TTC34: variants seen among roughly 807,000 people sequenced by gnomAD.
The protein encoded by TTC34 is tetratricopeptide repeat protein 34.
TTC34 carries 44 observed loss-of-function variants against 40.7 expected under a neutral mutation model. That is an observed-to-expected ratio of 1.08 (90% CI 0.85 to 1.39). The LOEUF (loss-of-function observed/expected upper bound fraction) is 1.39. TTC34 is among the 40% of genes most tolerant of loss of function. The pLI, the probability that TTC34 is intolerant of heterozygous loss-of-function variation, is 0.00. For synonymous variants in TTC34, 422 were observed against 398.6 expected (o/e 1.06, Z -0.70); for missense variants, 884 against 838.0 (o/e 1.05, Z -0.68).
intron 6 of TTC34, among the ~76,000 whole-genome samples, chr1:2,651,160 G>A (rs906142957): frequency 2.0e-5 from 3 of 151,988 alleles, no homozygotes; most frequent in Admixed American, 1.3e-4. Context: ...AGCACCAGGT[G>A]AGCACTTCAC....
At chr1:2,749,852 TGAACATCCGAC>T (rs1641259538) in intron 6 of TTC34, among the ~76,000 whole-genome samples, 6 of 61,444 alleles carry the variant, frequency 9.8e-5, no homozygotes, top group Admixed American at 4.1e-4. Context: ...CACCCCCAGG[TGAACATCCGAC>T]AGCCTGGAGC....
intron 6 of TTC34, among the ~76,000 whole-genome samples, chr1:2,650,013 C>G (rs907115735): frequency 6.9e-6 from 1 of 145,528 alleles, no homozygotes; most frequent in African/African-American, 2.5e-5. Context: ...CTCTGCATCC[C>G]CAGGTGAGCA....
chr1:2,649,646 T>G (rs1200217208), intron 6 of TTC34, among the ~76,000 whole-genome samples: 1 of 152,124 alleles, frequency 6.6e-6, no homozygotes, highest in African/African-American at 2.4e-5. Context: ...TTTAATCGAT[T>G]CTCCTGCCTC....
intron 6 of TTC34, among the ~76,000 whole-genome samples, chr1:2,691,552 A>G (rs1278897646): frequency 5.2e-5 from 7 of 133,456 alleles, no homozygotes; most frequent in Admixed American, 1.6e-4. Context: ...CCCCCAGGTG[A>G]GCATCTGACA....
chr1:2,748,169 A>T (rs1225089279), intron 6 of TTC34, among the ~76,000 whole-genome samples: 1 of 60,324 alleles, frequency 1.7e-5, no homozygotes, highest in Non-Finnish European at 2.9e-5. Context: ...CCCCCAGGCG[A>T]GCATCTGAAC....
Position 2,645,416 on chromosome 1 carries a change from T to A in TTC34, c.2374A>T (p.Thr792Ser). The change falls in exon 7 of 9, where the codon ACT becomes TCT. Residue 792 changes from threonine (T) to serine (S), a missense_variant. Physicochemically the swap from Thr to Ser is moderately conservative, Grantham distance 58. Coordinates refer to ENST00000401095, the Ensembl canonical transcript of TTC34. The surrounding 1 kb of genome is among the most constrained non-coding windows in gnomAD (Gnocchi z 4.7). The stretch of plus-strand genomic sequence containing the variant: ...TCCTTGTCCTCGAGAGGGGCCCCAG[T>A]GTCTGGCAGCTGGCTCAGAAGGGCC... 6.5e-7 allele frequency: 1 copy of A among 1,535,786 alleles called. No homozygotes were observed. Among genetic ancestry groups the A allele is most frequent in the Non-Finnish European group, 8.7e-7 (1 of 1,146,744 alleles).
chr1:2,642,734 C>T (rs1254940812), intron 8 of TTC34, among the ~76,000 whole-genome samples: 3 of 152,346 alleles, frequency 2.0e-5, no homozygotes, highest in African/African-American at 7.2e-5. Flanking sequence ...CGGCGGTCCT[C>T]GACGCTACCT....
chr1:2,801,267 A>C (rs577535424), intron 1 of TTC34, among the ~76,000 whole-genome samples: 1 of 147,972 alleles, frequency 6.8e-6, no homozygotes, highest in African/African-American at 2.5e-5. Context: ...AGGAAGGCAC[A>C]CCCCCCGTCA....
chr1:2,698,953 T>G (rs1376571360), intron 6 of TTC34, among the ~76,000 whole-genome samples: 1 of 128,660 alleles, frequency 7.8e-6, no homozygotes. Flanking sequence ...TCTGACAGCC[T>G]GGAACATCAC....
At chr1:2,693,514 C>T (rs61765747) in intron 6 of TTC34, among the ~76,000 whole-genome samples, 37 of 54,770 alleles carry the variant, frequency 6.8e-4, no homozygotes, top group South Asian at 1.4e-3. Flanking sequence ...CACCCCCAGG[C>T]GAGCATCTGA....
chr1:2,785,729 G>T, intron 5 of TTC34, 90 bp downstream of exon 5: 1 of 1,378,340 alleles, frequency 7.3e-7, no homozygotes, highest in Non-Finnish European at 9.7e-7. Flanking sequence ...GGGAGCATGC[G>T]TGTCCCCACC....
At chr1:2,653,291 C>T (rs1368937587) in intron 6 of TTC34, among the ~76,000 whole-genome samples, 4 of 132,610 alleles carry the variant, frequency 3.0e-5, no homozygotes, top group African/African-American at 8.0e-5. Context: ...CCTGCACCCC[C>T]AGGTGAGCAT....
At chr1:2,786,719 T>C (rs1643595058) in intron 4 of TTC34, among the ~76,000 whole-genome samples, 1 of 152,116 alleles carries the variant, frequency 6.6e-6, no homozygotes, top group African/African-American at 2.4e-5. Context: ...CACGGCCAAG[T>C]AGGACCAGGT....
intron 6 of TTC34, among the ~76,000 whole-genome samples, chr1:2,762,055 G>A (rs1255649900): frequency 1.6e-3 from 26 of 16,350 alleles, no homozygotes; most frequent in Admixed American, 4.1e-3. Flanking sequence ...CCACACCCCC[G>A]GGCGAGCATC....
At chr1:2,674,725 A>T in intron 6 of TTC34, among the ~76,000 whole-genome samples, 1 of 52,790 alleles carries the variant, frequency 1.9e-5, no homozygotes, top group African/African-American at 7.1e-5. Flanking sequence ...CTGCACCCCC[A>T]GGTGAGCATC....
intron 2 of TTC34, among the ~76,000 whole-genome samples, chr1:2,792,910 A>C (rs1483279667): frequency 6.6e-6 from 1 of 152,192 alleles, no homozygotes; most frequent in Non-Finnish European, 1.5e-5. Flanking sequence ...ACCTCACACA[A>C]CACCATTGTT....
intron 6 of TTC34, among the ~76,000 whole-genome samples, chr1:2,750,239 C>A (rs1641270521): frequency 3.9e-5 from 6 of 152,072 alleles, no homozygotes; most frequent in African/African-American, 1.4e-4. Context: ...GAGCAGCACC[C>A]ACACCCACAG....
At chr1:2,750,213 C>T (rs1188024935) in intron 6 of TTC34, among the ~76,000 whole-genome samples, 3 of 87,244 alleles carry the variant, frequency 3.4e-5, no homozygotes, top group African/African-American at 1.0e-4. Context: ...CCCCCAGGTG[C>T]GCATCTGATG....
chr1:2,640,051 GTCTA>G (rs1361613903), exon 9 of TTC34: 3 of 152,412 alleles, frequency 2.0e-5, no homozygotes, highest in African/African-American at 7.2e-5. Flanking sequence ...GAGGCAGGGG[GTCTA>G]TCTGTGGGTT....
Sources: allele counts gnomAD v4.1 joint callset (sites outside exome capture counted in the v4.1 genomes callset), GRCh38; gene constraint gnomAD v4.1.1; non-coding constraint Gnocchi (gnomAD v3.1); transcripts MANE v1.5; gene names NCBI Gene and HGNC (gene_info 2026-07-23, HGNC 2026-07-21).